Variants in NGLY1 observed in about 807,000 individuals in gnomAD.
NGLY1 encodes N-glycanase 1, also known as peptide-N(4)-(N-acetyl-beta-glucosaminyl)asparagine amidase.
Under a neutral mutation model 84.6 loss-of-function variants are expected in NGLY1, and 68 were observed. The observed-to-expected ratio is 0.80, with a 90% CI of 0.66 to 0.98. NGLY1 has a LOEUF of 0.98. Among genes scored for constraint, NGLY1 ranks in the 50% least tolerant of loss-of-function variants. The pLI, the probability that NGLY1 is intolerant of heterozygous loss-of-function variation, is 0.00. For missense variants in NGLY1, 779 were observed against 770.2 expected (o/e 1.01, Z -0.14); for synonymous variants, 280 against 275.2 (o/e 1.02, Z -0.17).
At chr3:25,788,068 CACTT>C (rs1226906462), upstream of NGLY1, among the ~76,000 whole-genome samples, 1 of 152,186 alleles carries the variant, frequency 6.6e-6, no homozygotes, top group South Asian at 2.1e-4. Context: ...CAACAGTTTG[CACTT>C]ACTTGTTTCT....
At chr3:25,735,360 A>G (rs1340561763) in intron 7 of NGLY1, 1 of 152,234 alleles carries the variant, frequency 6.6e-6, no homozygotes, top group East Asian at 1.9e-4. Context: ...CCAAACAGTA[A>G]GAAAACACAA....
chr3:25,745,508 ACT>A (rs1489555770), intron 4 of NGLY1, among the ~76,000 whole-genome samples: 1 of 152,284 alleles, frequency 6.6e-6, no homozygotes, highest in Admixed American at 6.5e-5. Flanking sequence ...ACCTGTTTCT[ACT>A]GACTCCTTTA....
At chr3:25,745,359 T>C (rs1257738592) in intron 4 of NGLY1, among the ~76,000 whole-genome samples, 1 of 152,170 alleles carries the variant, frequency 6.6e-6, no homozygotes, top group Non-Finnish European at 1.5e-5. Flanking sequence ...ATTTTAGCAA[T>C]CTCATTTACC....
chr3:25,786,454 A>G (rs1410078774), upstream of NGLY1, among the ~76,000 whole-genome samples: 2 of 152,334 alleles, frequency 1.3e-5, no homozygotes, highest in East Asian at 3.9e-4. Flanking sequence ...AAGAATTTCA[A>G]TGCTGATTTA....
At chr3:25,757,526 A>G (rs1245771310) in intron 3 of NGLY1, among the ~76,000 whole-genome samples, 1 of 152,266 alleles carries the variant, frequency 6.6e-6, no homozygotes, top group Non-Finnish European at 1.5e-5. Context: ...GGCTATTAAT[A>G]AAAATTTGAG....
chr3:25,790,024 G>T, exon 1 of NGLY1: 2 of 869,968 alleles, frequency 2.3e-6, no homozygotes, highest in South Asian at 1.5e-5. Context: ...CGAACGGGAC[G>T]CGTGCGTGGG....
intron 2 of NGLY1, among the ~76,000 whole-genome samples, chr3:25,768,018 C>G (rs563185947): frequency 7.1e-6 from 1 of 141,672 alleles, no homozygotes; most frequent in Non-Finnish European, 1.5e-5. Context: ...GAGGCTGAGG[C>G]AAGAGAATCA....
At chr3:25,788,680 TTA>T (rs1471346155) in intron 1 of NGLY1, among the ~76,000 whole-genome samples, 2 of 152,214 alleles carry the variant, frequency 1.3e-5, no homozygotes, top group Non-Finnish European at 2.9e-5. Context: ...CACTATTATT[TTA>T]AAGACAGCAA....
chr3:25,761,909 C>A (rs542686395), intron 3 of NGLY1, among the ~76,000 whole-genome samples: 1 of 152,028 alleles, frequency 6.6e-6, no homozygotes, highest in Non-Finnish European at 1.5e-5. Flanking sequence ...TCCTGCAATA[C>A]GAAGAACTTC....
chr3:25,744,677 C>A (rs1041443102), intron 4 of NGLY1, among the ~76,000 whole-genome samples: 1 of 152,184 alleles, frequency 6.6e-6, no homozygotes, highest in Non-Finnish European at 1.5e-5. Context: ...TCCCAACTTC[C>A]CTTGCGGCTA....
At chr3:25,731,092 T>A (rs1051852484) in intron 9 of NGLY1, among the ~76,000 whole-genome samples, 1 of 152,106 alleles carries the variant, frequency 6.6e-6, no homozygotes, top group African/African-American at 2.4e-5. Context: ...TCATGTGGTA[T>A]CTTAAAATAA....
At chr3:25,769,441 G>A (rs1406258268) in intron 2 of NGLY1, among the ~76,000 whole-genome samples, 3 of 152,130 alleles carry the variant, frequency 2.0e-5, no homozygotes, top group East Asian at 3.8e-4. Flanking sequence ...TTGGCTAACA[G>A]GTATATGAAA....
At chr3:25,779,267 G>A (rs1708302388) in intron 1 of NGLY1, among the ~76,000 whole-genome samples, 3 of 151,988 alleles carry the variant, frequency 2.0e-5, no homozygotes, top group Non-Finnish European at 4.4e-5. Flanking sequence ...AGACAGTATG[G>A]CAATAAAAGG....
chr3:25,778,703 A>G lies in NGLY1; in HGVS notation c.132-15T>C. 1 of 1,495,766 alleles carries G rather than the reference A, an allele frequency of 6.7e-7. No homozygotes were observed. 92.7% of individuals were successfully genotyped at this position (1,495,766 alleles called of 1,614,324 possible). A position where few individuals can be genotyped will look rare whatever the true frequency, so the allele number is the denominator to read the frequency against. ...CATTAGGGTTTCTGACAAAAAACAA[A>G]AGTTTGATTATATATAAAAAAAACC... On this transcript the variant is annotated splice_polypyrimidine_tract_variant and intron_variant, in intron 1 of 11. Transcript: ENST00000280700.
At position 25,758,350 on chromosome 3, in the gene NGLY1, C is replaced by T. The variant is rs375138703; in HGVS notation, c.492+5716G>A. Among the ~76,000 whole-genome samples, 56 of 152,118 alleles carry T rather than the reference C, an allele frequency of 3.7e-4. 2 individuals carry two copies. Among genetic ancestry groups the T allele is most frequent in the African/African-American group, 1.3e-3 (53 of 41,512 alleles). On this transcript the variant is annotated intron_variant, in intron 3 of 11. Transcript: ENST00000280700. Reference sequence around the variant, plus strand: ...TAGCACTTTTGGCAGCTGAGGCAGGCGGATTGCTTGAGACCAGGAGTTCCA... The same window carrying T: ...TAGCACTTTTGGCAGCTGAGGCAGGTGGATTGCTTGAGACCAGGAGTTCCA...
At chr3:25,779,385 T>C (rs1465774080) in intron 1 of NGLY1, among the ~76,000 whole-genome samples, 1 of 152,148 alleles carries the variant, frequency 6.6e-6, no homozygotes, top group Non-Finnish European at 1.5e-5. Flanking sequence ...CTTTGATAAA[T>C]CAGAATTGTT....
intron 2 of NGLY1, among the ~76,000 whole-genome samples, chr3:25,768,422 T>TAAAAAAA (rs71087723): frequency 7.4e-6 from 1 of 134,428 alleles, no homozygotes; most frequent in Non-Finnish European, 1.6e-5. Context: ...AAACTCCATC[T>TAAAAAAA]AAAAAAAAAA....
intron 10 of NGLY1, among the ~76,000 whole-genome samples, chr3:25,724,427 A>C (rs1295164606): frequency 1.3e-5 from 2 of 152,224 alleles, no homozygotes; most frequent in Admixed American, 1.3e-4. Context: ...GTTGAAAATC[A>C]AACATGAATC....
chr3:25,731,637 G>A (rs532922688), intron 9 of NGLY1, among the ~76,000 whole-genome samples: 10 of 152,102 alleles, frequency 6.6e-5, no homozygotes, highest in African/African-American at 2.4e-4. Flanking sequence ...CTGAAAACGT[G>A]AATATAAATG....
Sources: allele counts gnomAD v4.1 joint callset (sites outside exome capture counted in the v4.1 genomes callset), GRCh38; gene constraint gnomAD v4.1.1; transcripts MANE v1.5; gene names NCBI Gene and HGNC (gene_info 2026-07-23, HGNC 2026-07-21).